The following ANGPTL3 variants were observed in gnomAD, a reference collection of about 807,000 sequenced individuals.
The protein encoded by ANGPTL3 is angiopoietin like 3.
A neutral mutation model predicts 52.7 loss-of-function variants in ANGPTL3; 51 were observed. The observed-to-expected ratio is 0.97, with a 90% CI of 0.77 to 1.22. ANGPTL3 has a LOEUF of 1.22. Among genes scored for constraint, ANGPTL3 ranks in the 50% most tolerant of loss-of-function variants. The probability of loss-of-function intolerance (pLI) is 0.00; values close to 1 mark genes in which losing one functional copy is unlikely to be tolerated. For synonymous variants in ANGPTL3, 185 were observed against 179.8 expected (o/e 1.03, Z -0.23); for missense variants, 506 against 520.7 (o/e 0.97, Z 0.27).
intron 1 of ANGPTL3, 151 bp downstream of exon 1, chr1:62,598,212 C>A: frequency 3.5e-6 from 3 of 862,186 alleles, no homozygotes; most frequent in Non-Finnish European, 4.9e-6. Flanking sequence ...ATAAAATTTC[C>A]TATTATAATT....
rs1207982736 is a variant in ANGPTL3 at position 62,597,800 on chromosome 1, TG to T, written c.235del (p.Asp79IlefsTer21). 1 of 1,613,374 alleles carries T rather than the reference TG, an allele frequency of 6.2e-7. No individual in the cohort carries two copies. Among genetic ancestry groups the T allele is most frequent in the African/African-American group, 1.3e-5 (1 of 74,872 alleles). On this transcript the variant is annotated frameshift_variant, in exon 1 of 7. Transcript: ENST00000371129. LOFTEE classifies it high-confidence loss of function. ...ACATATTTCAAAAACTCAACATATT[TG>T]ATCAGTCTTTTTATGATCTATCGCT... ...NDIFQKLNIF[D>X]QSFYDLSLQT...
Position 62,597,813 on chromosome 1 carries a change from T to C in ANGPTL3, c.247T>C (p.Tyr83His), listed in dbSNP as rs1649497318. The C allele has an allele frequency of 6.2e-7, 1 of 1,613,228 alleles. No homozygotes were observed. Among genetic ancestry groups the C allele is most frequent in the South Asian group, 1.1e-5 (1 of 91,004 alleles). The change falls in exon 1 of 7, where the codon TAT becomes CAT. Residue 83 changes from tyrosine to histidine, a missense_variant. By Grantham distance (83) the Tyr-to-His change is moderately conservative. Coordinates refer to ENST00000371129, the MANE Select transcript of ANGPTL3 (RefSeq NM_014495.4). Reference sequence around the variant, plus strand: ...ACTCAACATATTTGATCAGTCTTTTTATGATCTATCGCTGCAAACCAGTGA... The same window carrying C: ...ACTCAACATATTTGATCAGTCTTTTCATGATCTATCGCTGCAAACCAGTGA... ...QKLNIFDQSF[Y>H]DLSLQTSEIK... is the part of the protein sequence containing the mutation.
At chr1:62,602,962 C>T (rs1253278403) in intron 5 of ANGPTL3, among the ~76,000 whole-genome samples, 2 of 151,368 alleles carry the variant, frequency 1.3e-5, no homozygotes, top group Non-Finnish European at 3.0e-5. Context: ...ATCCAAAAAG[C>T]ACATACAAAA....
intron 6 of ANGPTL3, 148 bp from the exon 7 acceptor site, chr1:62,604,485 G>C (rs1650652276): frequency 1.1e-6 from 1 of 937,390 alleles, no homozygotes; most frequent in African/African-American, 1.7e-5. Context: ...TTTAAAATTG[G>C]GACTTATACA....
Position 62,605,127 on chromosome 1 carries a change from T to G in ANGPTL3, c.*310T>G. 4.1e-6 allele frequency: 1 copy of G among 244,212 alleles called. No individual in the cohort carries two copies. The highest frequency in any genetic ancestry group is 8.0e-6 in the Non-Finnish European group (1 of 124,590). The allele number at this position is 244,212 out of a possible 1,614,324, so 15.1% of individuals were successfully genotyped here. ...TTAAATAACTTTTCTAAATAAAAAA[T>G]TTAGAGACTTTTATTTTAAAAGGCA... On this transcript the variant is annotated 3_prime_UTR_variant, in exon 7 of 7. Transcript: ENST00000371129.
chr1:62,601,746 T>C, intron 3 of ANGPTL3, 23 bp from the exon 4 acceptor site: 2 of 1,452,694 alleles, frequency 1.4e-6, no homozygotes, highest in Non-Finnish European at 1.9e-6. Context: ...AAATCTGATG[T>C]AATAACATTT....
chr1:62,603,969 G>T lies in ANGPTL3; in HGVS notation c.932G>T (p.Gly311Val). The change falls in exon 6 of 7, where the codon GGA becomes GTA. Residue 311 changes from glycine (G) to valine (V), a missense_variant and splice_region_variant. Coordinates refer to ENST00000371129, the MANE Select transcript of ANGPTL3 (RefSeq NM_014495.4). The part of the protein sequence containing the change: ...NYKYGFGRLD[G>V]EFWLGLEKIY... ...AGATTTTTAAAACTTTTCTTTTCAG[G>T]AGAATTTTGGTTGGGCCTAGAGAAG... 2 of 1,612,496 alleles carry T rather than the reference G, an allele frequency of 1.2e-6. No individual in the cohort carries two copies. Among genetic ancestry groups the T allele is most frequent in the Non-Finnish European group, 1.7e-6 (2 of 1,178,954 alleles).
intron 5 of ANGPTL3, 24 bp from the exon 6 acceptor site, chr1:62,603,945 G>T: frequency 1.2e-6 from 2 of 1,609,950 alleles, no homozygotes; most frequent in Non-Finnish European, 1.7e-6. Flanking sequence ...ATAACTCACA[G>T]ATTTTTAAAA....
chr1:62,599,079 G>A (rs1649729727), intron 2 of ANGPTL3, among the ~76,000 whole-genome samples: 1 of 152,010 alleles, frequency 6.6e-6, no homozygotes, highest in Middle Eastern at 3.4e-3. Context: ...TAGGATTATT[G>A]TAAGAAAAAA....
intron 6 of ANGPTL3, 83 bp downstream of exon 6, chr1:62,604,318 C>G: frequency 6.5e-7 from 1 of 1,536,028 alleles, no homozygotes; most frequent in East Asian, 2.3e-5. Flanking sequence ...GCAATGACAA[C>G]TTTTAAAAAT....
Position 62,598,750 on chromosome 1 carries a change from G to T in ANGPTL3, c.550G>T (p.Asp184Tyr), listed in dbSNP as rs750973811. ...SIKDLLQTVE[D>Y]QYKQLNQQHS... The stretch of plus-strand genomic sequence containing the variant: ...CAAAGACCTTCTCCAGACCGTGGAA[G>T]ACCAATATAAACAATTAAACCAACA... Residue 184 changes from aspartate to tyrosine, a missense_variant, in exon 2 of 7, where the codon GAC (aspartate) becomes TAC (tyrosine). Physicochemically the swap from Asp to Tyr is radical, Grantham distance 160. Transcript: ENST00000371129. 6.2e-7 allele frequency: 1 copy of T among 1,611,400 alleles called. No individual in the cohort carries two copies. Among genetic ancestry groups the T allele is most frequent in the South Asian group, 1.1e-5 (1 of 91,004 alleles).
At chr1:62,600,331 T>C (rs979193516) in intron 2 of ANGPTL3, among the ~76,000 whole-genome samples, 5 of 151,806 alleles carry the variant, frequency 3.3e-5, no homozygotes, top group African/African-American at 4.8e-5. Flanking sequence ...TAAGATCACA[T>C]AGTTACTTAG....
rs537365761 is a variant in ANGPTL3 at position 62,597,843 on chromosome 1, AAAG to A, written c.286_288del (p.Glu96del). 216 of 1,605,168 alleles carry A rather than the reference AAAG, an allele frequency of 1.3e-4. No individual in the cohort carries two copies. Among genetic ancestry groups the A allele is most frequent in the African/African-American group, 7.5e-4 (56 of 74,506 alleles). ...TCTATCGCTGCAAACCAGTGAAATC[AAAG>A]AAGAAGAAAAGGAACTGAGAAGAAC... On this transcript the variant is annotated inframe_deletion, in exon 1 of 7. Transcript: ENST00000371129.
At position 62,604,775 on chromosome 1, in the gene ANGPTL3, CA is replaced by C; in HGVS notation, c.1345del (p.Met449CysfsTer2). 1 of 1,612,934 alleles carries C rather than the reference CA, an allele frequency of 6.2e-7. No individual in the cohort carries two copies. Among genetic ancestry groups the C allele is most frequent in the Non-Finnish European group, 8.5e-7 (1 of 1,179,244 alleles). ...NGRLYSIKSTKMLIHPTDSES... is the reference protein window; with the variant it reads ...NGRLYSIKSTXMLIHPTDSES... ...GAAGGTTATACTCTATAAAATCAAC[CA>C]AAATGTTGATCCATCCAACAGATTC... On this transcript the variant is annotated frameshift_variant, in exon 7 of 7. Coordinates refer to ENST00000371129, the MANE Select transcript of ANGPTL3 (RefSeq NM_014495.4). LOFTEE classifies it high-confidence loss of function.
rs888170788 is a variant in ANGPTL3 at position 62,606,047 on chromosome 1, A to T, written c.*1230A>T. ...TTTCAAATTATCCAATATACATGTCATATATATTTTTATATGTCACATATA... is the reference window on the plus strand; with the variant it reads ...TTTCAAATTATCCAATATACATGTCTTATATATTTTTATATGTCACATATA... On this transcript the variant is annotated 3_prime_UTR_variant, in exon 7 of 7. Transcript: ENST00000371129. The T allele has an allele frequency of 6.6e-6, 1 of 152,052 alleles. No homozygotes were observed. The highest frequency in any genetic ancestry group is 2.4e-5 in the African/African-American group (1 of 41,442). The allele number at this position is 152,052 out of a possible 1,614,324, so 9.4% of individuals were successfully genotyped here.
rs1245673555 is a variant in ANGPTL3, at chr1:62,604,968, A to G, written c.*151A>G. 9.6e-6 allele frequency: 7 copies of G among 729,408 alleles called. No individual in the cohort carries two copies. The highest frequency in any genetic ancestry group is 1.6e-5 in the Non-Finnish European group (7 of 441,226). 45.2% of individuals were successfully genotyped at this position (729,408 alleles called of 1,614,324 possible). A position where few individuals can be genotyped will look rare whatever the true frequency, so the allele number is the denominator to read the frequency against. Reference sequence around the variant, plus strand: ...ACTGTCTATTTAAGATTAAACATACAATCACATAACCTTAAAGAATACCGT... The same window carrying G: ...ACTGTCTATTTAAGATTAAACATACGATCACATAACCTTAAAGAATACCGT... On this transcript the variant is annotated 3_prime_UTR_variant, in exon 7 of 7. Transcript: ENST00000371129.
chr1:62,601,421 A>C (rs1160537612), intron 3 of ANGPTL3, among the ~76,000 whole-genome samples: 1 of 151,700 alleles, frequency 6.6e-6, no homozygotes, highest in East Asian at 1.9e-4. Context: ...AAGGTTTATT[A>C]ATTTTCTTAG....
chr1:62,604,866 A>G lies in ANGPTL3; in HGVS notation c.*49A>G. On this transcript the variant is annotated 3_prime_UTR_variant, in exon 7 of 7. Coordinates refer to ENST00000371129, the MANE Select transcript of ANGPTL3 (RefSeq NM_014495.4). ...TAATTTAAACATTAACCTCATTCCA[A>G]GTTAATGTGGTCTAATAATCTGGTA... 6.4e-7 allele frequency: 1 copy of G among 1,564,982 alleles called. No individual in the cohort carries two copies. Among genetic ancestry groups the G allele is most frequent in the Non-Finnish European group, 8.8e-7 (1 of 1,137,632 alleles).
intron 2 of ANGPTL3, among the ~76,000 whole-genome samples, chr1:62,600,039 TA>T (rs1188245820): frequency 4.6e-5 from 7 of 151,996 alleles, no homozygotes; most frequent in Non-Finnish European, 1.0e-4. Context: ...AACATAATGT[TA>T]GTAGTGCTGC....
Sources: allele counts gnomAD v4.1 joint callset (sites outside exome capture counted in the v4.1 genomes callset), GRCh38; gene constraint gnomAD v4.1.1; transcripts MANE v1.5; gene names NCBI Gene and HGNC (gene_info 2026-07-23, HGNC 2026-07-21).